Variants in MYO16 observed in about 807,000 individuals in gnomAD.
MYO16 encodes unconventional myosin-XVI.
In MYO16, 94 loss-of-function variants were observed where a neutral mutation model predicts 205.3. That is an observed-to-expected ratio of 0.46 (90% CI 0.39 to 0.54). The LOEUF (loss-of-function observed/expected upper bound fraction) is 0.54. Among genes scored for constraint, MYO16 ranks in the 20% least tolerant of loss-of-function variants. The pLI is 0.00. For synonymous variants in MYO16, 988 were observed against 954.0 expected (o/e 1.04, Z -0.66); for missense variants, 2,315 against 2,387.5 (o/e 0.97, Z 0.63).
the MYO16 span, among the ~76,000 whole-genome samples, chr13:108,529,289 C>A: frequency 6.6e-6 from 1 of 152,144 alleles, no homozygotes; most frequent in African/African-American, 2.4e-5. Flanking sequence ...GTTACGTGCA[C>A]CCTTTTCTCA....
Position 109,039,267 on chromosome 13 carries a change from C to T in MYO16, c.2797-7649C>T, listed in dbSNP as rs577569386. ...AAGTGATGCTGGAAACTTCAACACCCTCCTCTCAACAATTGGTAAAACAAT... is the reference window on the plus strand; with the variant it reads ...AAGTGATGCTGGAAACTTCAACACCTTCCTCTCAACAATTGGTAAAACAAT... On this transcript the variant is annotated intron_variant, in intron 23 of 34. Transcript: ENST00000457511. Among the ~76,000 whole-genome samples, 8 of 152,294 alleles carry T rather than the reference C, an allele frequency of 5.3e-5. No homozygotes were observed. In the South Asian group the frequency reaches 1.5e-3, roughly 28 times the overall value.
intron 16 of MYO16, among the ~76,000 whole-genome samples, chr13:108,955,849 TCAAAA>T (rs764224994): frequency 3.9e-5 from 6 of 152,088 alleles, no homozygotes; most frequent in African/African-American, 9.7e-5. Flanking sequence ...AGATTCTATC[TCAAAA>T]CAAAACAAAA....
At position 108,973,007 on chromosome 13, in the gene MYO16, T is replaced by C. The variant is rs752789202; in HGVS notation, c.2369+8105T>C. Among the ~76,000 whole-genome samples, 126 of 152,048 alleles carry C rather than the reference T, an allele frequency of 8.3e-4. 1 individual carries two copies. Among genetic ancestry groups the C allele is most frequent in the Non-Finnish European group, 1.5e-3 (101 of 68,000 alleles). ...TTGGGAACAGCGGACAGGTGCTCTG[T>C]AGAGATGGGGATCCCATGGAGCATC... On this transcript the variant is annotated intron_variant, in intron 20 of 34. Transcript: ENST00000457511.
rs540570909 is a variant in MYO16, at chr13:108,855,561, C to T, written c.1359+8C>T. The T allele has an allele frequency of 1.4e-5, 21 of 1,524,004 alleles. No individual in the cohort carries two copies. In the South Asian group the frequency reaches 2.2e-4, roughly 16 times the overall value. 94.4% of individuals were successfully genotyped at this position (1,524,004 alleles called of 1,614,324 possible). A position where few individuals can be genotyped will look rare whatever the true frequency, so the allele number is the denominator to read the frequency against. On this transcript the variant is annotated splice_region_variant and intron_variant, in intron 11 of 34. Coordinates refer to ENST00000457511, the MANE Select transcript of MYO16 (RefSeq NM_001198950.3). ...GGGAACAATCAGATCTATGTGAGTGCCCTGGAAATTGCCTTTTGCACTGTT... is the reference window on the plus strand; with the variant it reads ...GGGAACAATCAGATCTATGTGAGTGTCCTGGAAATTGCCTTTTGCACTGTT...
At chr13:108,852,037 G>A (rs1187489607) in intron 10 of MYO16, among the ~76,000 whole-genome samples, 3 of 152,054 alleles carry the variant, frequency 2.0e-5, no homozygotes, top group Admixed American at 6.6e-5. Flanking sequence ...CTCTCCCAGA[G>A]ACATCTCTCC....
chr13:108,848,625 C>A (rs1315239028), intron 10 of MYO16, among the ~76,000 whole-genome samples: 2 of 152,060 alleles, frequency 1.3e-5, no homozygotes, highest in Non-Finnish European at 2.9e-5. Context: ...CATAGCAAAA[C>A]CCCATCTCTA....
At chr13:109,006,084 A>G (rs991677562) in intron 21 of MYO16, among the ~76,000 whole-genome samples, 2 of 152,178 alleles carry the variant, frequency 1.3e-5, no homozygotes, top group Middle Eastern at 3.2e-3. Context: ...GAAGGAGGAC[A>G]TGAATGCCCA....
At chr13:108,927,195 G>C (rs1448265422) in intron 16 of MYO16, among the ~76,000 whole-genome samples, 4 of 152,184 alleles carry the variant, frequency 2.6e-5, no homozygotes, top group Admixed American at 6.5e-5. Flanking sequence ...AAATGAGTGT[G>C]CCAGCCCCAA....
chr13:108,833,113 T>A (rs547728682), intron 9 of MYO16, among the ~76,000 whole-genome samples: 3 of 152,062 alleles, frequency 2.0e-5, no homozygotes, highest in Non-Finnish European at 2.9e-5. Flanking sequence ...CTATTAAAAA[T>A]TTTTTTGCAT....
intron 16 of MYO16, among the ~76,000 whole-genome samples, chr13:108,929,018 T>C (rs1882134176): frequency 6.6e-6 from 1 of 152,186 alleles, no homozygotes; most frequent in Admixed American, 6.5e-5. Context: ...TAAATGTTGA[T>C]AATTGGTAAT....
At chr13:108,513,180 ACTT>A in the MYO16 span, among the ~76,000 whole-genome samples, 1 of 103,396 alleles carries the variant, frequency 9.7e-6, no homozygotes, top group Non-Finnish European at 1.8e-5. Context: ...CAGAGATTCA[ACTT>A]CTTCCTGGTT....
intron 3 of MYO16, among the ~76,000 whole-genome samples, chr13:108,718,316 T>G (rs1016411639): frequency 1.3e-5 from 2 of 152,034 alleles, no homozygotes; most frequent in African/African-American, 2.4e-5. Context: ...GCCATTGAAC[T>G]CCAAGCCCCT....
At chr13:109,024,157 T>G (rs1397525291) in intron 23 of MYO16, among the ~76,000 whole-genome samples, 1 of 150,942 alleles carries the variant, frequency 6.6e-6, no homozygotes, top group Non-Finnish European at 1.5e-5. Flanking sequence ...TTTGAGAGAT[T>G]TCACTATTAC....
intron 20 of MYO16, among the ~76,000 whole-genome samples, chr13:108,968,763 C>T (rs533404536): frequency 1.3e-5 from 2 of 152,182 alleles, no homozygotes; most frequent in Non-Finnish European, 2.9e-5. Flanking sequence ...TGACTCAGAT[C>T]GACATCACCA....
chr13:108,853,025 A>T (rs1877964960), intron 10 of MYO16, among the ~76,000 whole-genome samples: 1 of 152,238 alleles, frequency 6.6e-6, no homozygotes, highest in Non-Finnish European at 1.5e-5. Flanking sequence ...GCTCAAATTC[A>T]TGTCTAAGAT....
In MYO16 at chr13:109,120,279, T is replaced by C. The variant is rs866196886; in HGVS notation, c.3439-91T>C. 4 of 869,014 alleles carry C rather than the reference T, an allele frequency of 4.6e-6. No individual in the cohort carries two copies. In the Middle Eastern group the frequency reaches 9.9e-4, roughly 216 times the overall value. 53.8% of individuals were successfully genotyped at this position (869,014 alleles called of 1,614,324 possible). On this transcript the variant is annotated intron_variant, in intron 28 of 34. Coordinates refer to ENST00000457511, the MANE Select transcript of MYO16 (RefSeq NM_001198950.3). ...TTTCTGAGTTTGTTTCTTCTAATCCTCTGCTGGAAAAATATTTTGTCTGAT... is the reference window on the plus strand; with the variant it reads ...TTTCTGAGTTTGTTTCTTCTAATCCCCTGCTGGAAAAATATTTTGTCTGAT...
At chr13:109,123,956 A>G (rs1011160349) in intron 29 of MYO16, among the ~76,000 whole-genome samples, 1 of 152,222 alleles carries the variant, frequency 6.6e-6, no homozygotes, top group African/African-American at 2.4e-5. Flanking sequence ...TAACTCTTCT[A>G]TAATCTTAAT....
At chr13:109,027,248 C>T (rs1886391895) in intron 23 of MYO16, among the ~76,000 whole-genome samples, 1 of 152,194 alleles carries the variant, frequency 6.6e-6, no homozygotes, top group Non-Finnish European at 1.5e-5. Context: ...GGCCCTGTCC[C>T]TCTGTGTGTT....
intron 1 of MYO16, among the ~76,000 whole-genome samples, chr13:108,608,400 T>C (rs1461338279): frequency 6.6e-6 from 1 of 152,154 alleles, no homozygotes; most frequent in Non-Finnish European, 1.5e-5. Context: ...CTAATGCTGA[T>C]TCATCATGCA....
Sources: allele counts gnomAD v4.1 joint callset (sites outside exome capture counted in the v4.1 genomes callset), GRCh38; gene constraint gnomAD v4.1.1; transcripts MANE v1.5; gene names NCBI Gene and HGNC (gene_info 2026-07-23, HGNC 2026-07-21).